The following SLC44A1 variants were observed in gnomAD, a reference collection of about 807,000 sequenced individuals.
SLC44A1 encodes the protein solute carrier family 44 member 1, also known as choline transporter-like protein 1.
Under a neutral mutation model 79.3 loss-of-function variants are expected in SLC44A1, and 26 were observed. The observed-to-expected ratio is 0.33, with a 90% CI of 0.24 to 0.46. The LOEUF is 0.46. SLC44A1 is among the 20% of genes least tolerant of loss of function. The pLI, the probability that SLC44A1 is intolerant of heterozygous loss-of-function variation, is 1.00. For synonymous variants in SLC44A1, 263 were observed against 286.2 expected (o/e 0.92, Z 0.82); for missense variants, 688 against 798.1 (o/e 0.86, Z 1.66).
At chr9:105,424,807 C>T (rs1021872651) in intron 15 of SLC44A1, among the ~76,000 whole-genome samples, 6 of 151,910 alleles carry the variant, frequency 3.9e-5, no homozygotes, top group East Asian at 1.9e-4. Context: ...ATTAGCCAGG[C>T]GTGATGGTGC....
intron 5 of SLC44A1, among the ~76,000 whole-genome samples, chr9:105,354,862 A>G (rs551382337): frequency 1.3e-5 from 2 of 152,342 alleles, no homozygotes; most frequent in African/African-American, 4.8e-5. Flanking sequence ...AAACAAGGAT[A>G]GTGTTTTGCT....
chr9:105,319,399 G>C (rs561510685), intron 3 of SLC44A1, among the ~76,000 whole-genome samples: 1 of 152,106 alleles, frequency 6.6e-6, no homozygotes, highest in Non-Finnish European at 1.5e-5. Context: ...CACGGAGTCC[G>C]AGCACAGTAC....
downstream of SLC44A1, among the ~76,000 whole-genome samples, chr9:105,400,530 T>C (rs540109752): frequency 7.2e-5 from 11 of 151,922 alleles, no homozygotes; most frequent in East Asian, 1.9e-3. Flanking sequence ...AACTACAACA[T>C]GTCAATGTTT....
At chr9:105,347,748 C>T (rs2131379333) in intron 4 of SLC44A1, among the ~76,000 whole-genome samples, 1 of 152,060 alleles carries the variant, frequency 6.6e-6, no homozygotes, top group East Asian at 1.9e-4. Flanking sequence ...ATCAATTTAT[C>T]AGTTTTATCA....
At chr9:105,312,321 C>T (rs971735635) in intron 3 of SLC44A1, among the ~76,000 whole-genome samples, 19 of 152,080 alleles carry the variant, frequency 1.2e-4, no homozygotes, top group Non-Finnish European at 2.4e-4. Flanking sequence ...TAATTTAAAT[C>T]CAATATTCAA....
chr9:105,379,750 A>G (rs1177205238), intron 13 of SLC44A1, among the ~76,000 whole-genome samples: 1 of 152,216 alleles, frequency 6.6e-6, no homozygotes, highest in African/African-American at 2.4e-5. Context: ...ATAGAGGTTT[A>G]TAATCCAGTT....
At chr9:105,311,774 TTAAG>T (rs1831187525) in intron 3 of SLC44A1, among the ~76,000 whole-genome samples, 1 of 152,348 alleles carries the variant, frequency 6.6e-6, no homozygotes, top group African/African-American at 2.4e-5. Flanking sequence ...GCTAACCTAC[TTAAG>T]TATTTCTGTC....
At chr9:105,319,304 G>T (rs1194166708) in intron 3 of SLC44A1, among the ~76,000 whole-genome samples, 1 of 152,134 alleles carries the variant, frequency 6.6e-6, no homozygotes, top group African/African-American at 2.4e-5. Flanking sequence ...TTATTTTTAG[G>T]AAAGGATATA....
chr9:105,376,246 G>A (rs544895530), intron 13 of SLC44A1, among the ~76,000 whole-genome samples: 23 of 150,630 alleles, frequency 1.5e-4, no homozygotes, highest in East Asian at 1.2e-3. Context: ...TTTTGTTTAC[G>A]TATTTATAAT....
Position 105,393,638 on chromosome 9 carries a change from C to T in SLC44A1, c.*4582C>T. On this transcript the variant is annotated 3_prime_UTR_variant, in exon 16 of 16. Coordinates refer to ENST00000374720, the MANE Select transcript of SLC44A1 (RefSeq NM_080546.5). ...CTATAGAAATACTGTAGTGCCCTTT[C>T]TTCCCATCTTGATTTTGTACATGTA... is the stretch of plus-strand genomic sequence containing the variant. 2 of 983,694 alleles carry T rather than the reference C, an allele frequency of 2.0e-6. No homozygotes were observed. Among genetic ancestry groups the T allele is most frequent in the Non-Finnish European group, 2.4e-6 (2 of 828,370 alleles). 60.9% of individuals were successfully genotyped at this position (983,694 alleles called of 1,614,324 possible).
intron 13 of SLC44A1, among the ~76,000 whole-genome samples, chr9:105,381,020 C>T (rs1828446708): frequency 6.6e-6 from 1 of 152,222 alleles, no homozygotes; most frequent in African/African-American, 2.4e-5. Flanking sequence ...TTACCTCCTG[C>T]ATGAGAATAT....
chr9:105,400,272 C>T (rs1223245738), downstream of SLC44A1, among the ~76,000 whole-genome samples: 1 of 152,046 alleles, frequency 6.6e-6, no homozygotes, highest in African/African-American at 2.4e-5. Flanking sequence ...AGGTGGATCA[C>T]CAGATCAAAA....
chr9:105,296,843 C>T (rs1265283427), intron 1 of SLC44A1, among the ~76,000 whole-genome samples: 1 of 152,096 alleles, frequency 6.6e-6, no homozygotes, highest in African/African-American at 2.4e-5. Context: ...GCAGTTTTTC[C>T]TAGTCATAAC....
intron 4 of SLC44A1, among the ~76,000 whole-genome samples, chr9:105,339,929 G>C (rs945731598): frequency 6.6e-6 from 1 of 152,172 alleles, no homozygotes; most frequent in African/African-American, 2.4e-5. Context: ...GCTACAACTT[G>C]CATGAAAATT....
chr9:105,354,586 A>T (rs1827561297), intron 5 of SLC44A1, among the ~76,000 whole-genome samples: 1 of 152,230 alleles, frequency 6.6e-6, no homozygotes. Context: ...GTTGACACAA[A>T]TACACAGGGA....
chr9:105,356,149 G>A, intron 5 of SLC44A1, 63 bp from the exon 6 acceptor site: 1 of 1,249,648 alleles, frequency 8.0e-7, no homozygotes, highest in East Asian at 2.3e-5. Context: ...TTGTGTGTTT[G>A]ATGTGGCATT....
intron 13 of SLC44A1, among the ~76,000 whole-genome samples, chr9:105,377,136 A>C (rs978084476): frequency 6.6e-6 from 1 of 152,194 alleles, no homozygotes; most frequent in Non-Finnish European, 1.5e-5. Flanking sequence ...ATTGTAAACA[A>C]TCTGATGCCT....
At chr9:105,438,421 A>G (rs977029620) in exon 16 of SLC44A1, 2 of 774,258 alleles carry the variant, frequency 2.6e-6, no homozygotes, top group African/African-American at 3.5e-5. Flanking sequence ...GAAAGCATGT[A>G]ACAAGTTTCT....
intron 15 of SLC44A1, among the ~76,000 whole-genome samples, chr9:105,434,463 C>T (rs1427047025): frequency 6.6e-6 from 1 of 152,162 alleles, no homozygotes; most frequent in Non-Finnish European, 1.5e-5. Flanking sequence ...GAGGAAGACT[C>T]TTAGAAAGTA....
Sources: gnomAD v4.1 joint callset for allele counts (sites outside exome capture counted in the v4.1 genomes callset) on GRCh38, gnomAD v4.1.1 for gene constraint, MANE v1.5 for transcripts, NCBI Gene and HGNC (gene_info 2026-07-23, HGNC 2026-07-21) for gene names.